Variants in ZFYVE28 observed in about 807,000 individuals in gnomAD.
The protein encoded by ZFYVE28 is lateral signaling target protein 2 homolog.
ZFYVE28 carries 40 observed loss-of-function variants against 82.1 expected under a neutral mutation model. The ratio of observed to expected loss-of-function variants is 0.49; its 90% CI spans 0.38 to 0.63. The LOEUF is 0.63. ZFYVE28 is among the 30% of genes least tolerant of loss of function. The probability of loss-of-function intolerance (pLI) is 0.00; values close to 1 mark genes in which losing one functional copy is unlikely to be tolerated. For synonymous variants in ZFYVE28, 612 were observed against 546.1 expected, an observed-to-expected ratio of 1.12 and a Z score of -1.68; for missense variants, 1,321 against 1,242.1, an observed-to-expected ratio of 1.06 and a Z score of -0.96.
chr4:2,285,973 C>T (rs1474891285), intron 8 of ZFYVE28: 1 of 152,400 alleles, frequency 6.6e-6, no homozygotes, highest in African/African-American at 2.4e-5. Context: ...TTCCTCCGGT[C>T]TCAGGGTGTG....
chr4:2,330,246 G>A (rs142965728), intron 6 of ZFYVE28: 9 of 981,098 alleles, frequency 9.2e-6, no homozygotes, highest in Non-Finnish European at 9.7e-6. Context: ...CACTGTAGAT[G>A]GGTGAGTCAT....
At chr4:2,374,382 C>G (rs1025379711) in intron 1 of ZFYVE28, among the ~76,000 whole-genome samples, 1 of 152,074 alleles carries the variant, frequency 6.6e-6, no homozygotes, top group Non-Finnish European at 1.5e-5. Context: ...ACGGCCAAGG[C>G]GGGAGGATTG....
chr4:2,338,342 C>G (rs1489574170), intron 4 of ZFYVE28, among the ~76,000 whole-genome samples: 1 of 152,218 alleles, frequency 6.6e-6, no homozygotes, highest in Non-Finnish European at 1.5e-5. Context: ...AATCCCAGCA[C>G]TTTGGGAGGC....
At chr4:2,405,413 A>G (rs1187989388) in intron 1 of ZFYVE28, among the ~76,000 whole-genome samples, 1 of 152,246 alleles carries the variant, frequency 6.6e-6, no homozygotes, top group Non-Finnish European at 1.5e-5. Context: ...CTTGGATTTC[A>G]GACGCTGTGG....
intron 1 of ZFYVE28, among the ~76,000 whole-genome samples, chr4:2,415,063 T>C (rs1025307582): frequency 2.0e-5 from 3 of 152,212 alleles, no homozygotes; most frequent in Admixed American, 6.5e-5. Context: ...AAAATCATAT[T>C]GGTGTTTAAA....
rs956382291 is a variant in ZFYVE28 at position 2,409,964 on chromosome 4, A to C, written c.39+8321T>G. Among the ~76,000 whole-genome samples, 2 of 152,382 alleles carry C rather than the reference A, an allele frequency of 1.3e-5. No homozygotes were observed. Among genetic ancestry groups the C allele is most frequent in the Non-Finnish European group, 1.5e-5 (1 of 68,032 alleles). ...GGCAGGGTGCTTTCCAAAGCCCCCAAGTCAGCTGCCTACGCAGAAAGCCAA... is the reference window on the plus strand; with the variant it reads ...GGCAGGGTGCTTTCCAAAGCCCCCACGTCAGCTGCCTACGCAGAAAGCCAA... On this transcript the variant is annotated intron_variant, in intron 1 of 12. Transcript: ENST00000290974. The surrounding 1 kb of genome is among the most constrained non-coding windows in gnomAD (Gnocchi z 4.4).
chr4:2,308,681 A>AAGAAAG (rs1717022737), intron 7 of ZFYVE28, among the ~76,000 whole-genome samples: 3 of 59,894 alleles, frequency 5.0e-5, no homozygotes, highest in Admixed American at 1.5e-4. Context: ...AAGAAAGAGA[A>AAGAAAG]AGAAAGAAAA....
Position 2,304,515 on chromosome 4 carries a change from TCTCAGGGGCCCTGTCG to T in ZFYVE28, c.1809_1824del (p.Ser603ArgfsTer142). ...GAGGGTGGGGGCGCCTCCTCCTGTC[TCTCAGGGGCCCTGTCG>T]CTGGCCTTGGCTAAGCCGGCAGCGT... On this transcript the variant is annotated frameshift_variant, in exon 8 of 13. Transcript: ENST00000290974. LOFTEE classifies it high-confidence loss of function. The T allele has an allele frequency of 1.2e-6, 2 of 1,612,432 alleles. No individual in the cohort carries two copies. The highest frequency in any genetic ancestry group is 1.7e-6 in the Non-Finnish European group (2 of 1,179,530).
At chr4:2,271,483 C>G (rs73797553) in intron 11 of ZFYVE28, 69 bp from the exon 12 acceptor site, 2 of 1,530,090 alleles carry the variant, frequency 1.3e-6, no homozygotes, top group Middle Eastern at 3.4e-4. Context: ...GACCCTCAAC[C>G]TACCCTGGGC....
chr4:2,350,524 C>T (rs891965682), intron 2 of ZFYVE28, among the ~76,000 whole-genome samples: 1 of 152,156 alleles, frequency 6.6e-6, no homozygotes, highest in African/African-American at 2.4e-5. Context: ...GGTCATCTTC[C>T]CATTTCCTGA....
chr4:2,351,176 A>AGT (rs1309446764), intron 2 of ZFYVE28, among the ~76,000 whole-genome samples: 2 of 152,044 alleles, frequency 1.3e-5, no homozygotes, highest in African/African-American at 4.8e-5. Context: ...CCGGGTGGAC[A>AGT]GTGTCAAGAT....
Position 2,341,461 on chromosome 4 carries a change from G to T in ZFYVE28, c.318+17C>A. ...ACCCCACATCAGGACCTCCGAACCC[G>T]GGTGGCCACCCGCTACCTCGGCACC... On this transcript the variant is annotated intron_variant, in intron 3 of 12. Coordinates refer to ENST00000290974, the MANE Select transcript of ZFYVE28 (RefSeq NM_020972.3). The surrounding 1 kb of genome is among the most constrained non-coding windows in gnomAD (Gnocchi z 4.5). 6.2e-7 allele frequency: 1 copy of T among 1,611,990 alleles called. No individual in the cohort carries two copies.
intron 1 of ZFYVE28, among the ~76,000 whole-genome samples, chr4:2,411,964 C>T (rs1001067419): frequency 3.9e-5 from 6 of 152,190 alleles, no homozygotes; most frequent in East Asian, 1.9e-4. Flanking sequence ...CTGCCCACAC[C>T]GGCTGCAGTC....
At chr4:2,318,300 G>C (rs1014484878) in intron 7 of ZFYVE28, among the ~76,000 whole-genome samples, 1 of 152,194 alleles carries the variant, frequency 6.6e-6, no homozygotes, top group Admixed American at 6.5e-5. Context: ...GCTCACGCCT[G>C]TAATCCCAGC....
At chr4:2,323,938 T>C (rs1719482497) in intron 6 of ZFYVE28, among the ~76,000 whole-genome samples, 1 of 152,104 alleles carries the variant, frequency 6.6e-6, no homozygotes, top group Non-Finnish European at 1.5e-5. Context: ...TAATCCAGTC[T>C]ATCATTGTTG....
intron 1 of ZFYVE28, among the ~76,000 whole-genome samples, chr4:2,363,823 A>G (rs528763793): frequency 6.6e-6 from 1 of 152,088 alleles, no homozygotes; most frequent in African/African-American, 2.4e-5. Context: ...AGTCCCCACC[A>G]CCCCAGAGGA....
rs1720887470 is a variant in ZFYVE28, at chr4:2,332,613, A to G, written c.701+3092T>C. ...TAGGCACTCAATACTTGCTCACTGA[A>G]TGAACACAGGAAGGAGCAGGTTCTG... On this transcript the variant is annotated intron_variant, in intron 6 of 12. Coordinates refer to ENST00000290974, the MANE Select transcript of ZFYVE28 (RefSeq NM_020972.3). This position sits in a 1 kb window ranked among gnomAD's most constrained non-coding sequence, Gnocchi z 4.7. Among the ~76,000 whole-genome samples the G allele has an allele frequency of 6.6e-6, 1 of 152,168 alleles. No homozygotes were observed. Among genetic ancestry groups the G allele is most frequent in the African/African-American group, 2.4e-5 (1 of 41,434 alleles).
intron 1 of ZFYVE28, among the ~76,000 whole-genome samples, chr4:2,356,038 C>T (rs1725264636): frequency 6.6e-6 from 1 of 152,232 alleles, no homozygotes; most frequent in Admixed American, 6.5e-5. Context: ...GGCCTGCCAC[C>T]CCTCCCCTCT....
At position 2,295,278 on chromosome 4, in the gene ZFYVE28, C is replaced by T. The variant is rs953336417; in HGVS notation, c.2051+9011G>A. Among the ~76,000 whole-genome samples, 15 of 152,154 alleles carry T rather than the reference C, an allele frequency of 9.9e-5. 1 individual carries two copies. Among genetic ancestry groups the T allele is most frequent in the Admixed American group, 9.2e-4 (14 of 15,284 alleles). On this transcript the variant is annotated intron_variant, in intron 8 of 12. Transcript: ENST00000290974. The stretch of plus-strand genomic sequence containing the variant: ...CCAGGTTCAAGTGATTCTCCTGCCT[C>T]AGCCTCCCAAGTAGCTGGGATTGCA...
Sources: allele counts gnomAD v4.1 joint callset (sites outside exome capture counted in the v4.1 genomes callset), GRCh38; gene constraint gnomAD v4.1.1; non-coding constraint Gnocchi (gnomAD v3.1); transcripts MANE v1.5; gene names NCBI Gene and HGNC (gene_info 2026-07-23, HGNC 2026-07-21).